Variants in LRRN1 observed in about 807,000 individuals in gnomAD.
LRRN1 encodes the protein leucine rich repeat neuronal 1.
A neutral mutation model predicts 45.8 loss-of-function variants in LRRN1; 14 were observed. The observed-to-expected ratio is 0.31, with a 90% confidence interval of 0.20 to 0.48. The LOEUF (loss-of-function observed/expected upper bound fraction) is 0.48, where lower values mean the gene tolerates loss of function less well. Among genes scored for constraint, LRRN1 ranks in the 20% least tolerant of loss-of-function variants. LRRN1 has a pLI of 0.99. For missense variants in LRRN1, 789 were observed against 874.2 expected, an observed-to-expected ratio of 0.90 and a Z score of 1.23; for synonymous variants, 359 against 330.1, an observed-to-expected ratio of 1.09 and a Z score of -0.95.
chr3:3,807,504 C>G (rs750943), intron 1 of LRRN1, among the ~76,000 whole-genome samples: 96,366 of 152,148 alleles, frequency 0.63, 33,152 homozygotes, highest in Non-Finnish European at 0.78. Context: ...GTTTATGTTT[C>G]TTTCTTGTTT....
intron 1 of LRRN1, among the ~76,000 whole-genome samples, chr3:3,801,951 C>T (rs552032239): frequency 1.4e-3 from 209 of 152,328 alleles, no homozygotes; most frequent in African/African-American, 4.8e-3. Context: ...ATTTGGTCCT[C>T]ATCTTCAGAG....
rs752541548 is a variant in LRRN1 at position 3,847,039 on chromosome 3, A to G, written c.*247A>G. ...TCTTATCATTATTATGATTGTTATTATATTATTATTTTATTTTAGTTGTTG... is the reference window on the plus strand; with the variant it reads ...TCTTATCATTATTATGATTGTTATTGTATTATTATTTTATTTTAGTTGTTG... On this transcript the variant is annotated 3_prime_UTR_variant, in exon 2 of 2. Coordinates refer to ENST00000319331, the MANE Select transcript of LRRN1 (RefSeq NM_020873.7). 2 of 306,318 alleles carry G rather than the reference A, an allele frequency of 6.5e-6. No individual in the cohort carries two copies. Among genetic ancestry groups the G allele is most frequent in the Non-Finnish European group, 1.3e-5 (2 of 158,766 alleles). The allele number at this position is 306,318 out of a possible 1,614,324, so 19.0% of individuals were successfully genotyped here.
At chr3:3,820,298 T>C (rs929417192) in intron 1 of LRRN1, among the ~76,000 whole-genome samples, 5 of 152,188 alleles carry the variant, frequency 3.3e-5, no homozygotes, top group African/African-American at 9.6e-5. Context: ...TCAACAGTCA[T>C]TTTCGAGTAC....
chr3:3,844,783 T>C lies in LRRN1; in HGVS notation c.142T>C (p.Ser48Pro), dbSNP rs1693724487. ...CEIRPWFTPQ[S>P]TYREATTVDC... ...AATTCGTCCCTGGTTTACCCCACAG[T>C]CAACTTACAGAGAAGCCACCACTGT... The change falls in exon 2 of 2, where the codon TCA (serine) becomes CCA (proline). Residue 48 changes from serine (S) to proline (P), a missense_variant. By Grantham distance (74) the Ser-to-Pro change is moderately conservative (BLOSUM62 -1). Coordinates refer to ENST00000319331, the MANE Select transcript of LRRN1 (RefSeq NM_020873.7). The C allele has an allele frequency of 6.2e-7, 1 of 1,614,036 alleles. No homozygotes were observed. Among genetic ancestry groups the C allele is most frequent in the African/African-American group, 1.3e-5 (1 of 74,908 alleles).
At chr3:3,811,089 A>G (rs1474973566) in intron 1 of LRRN1, among the ~76,000 whole-genome samples, 1 of 152,178 alleles carries the variant, frequency 6.6e-6, no homozygotes. Flanking sequence ...TTGCAGGCCA[A>G]TAAATAGAGT....
At position 3,807,753 on chromosome 3, in the gene LRRN1, TCATCAGAC is replaced by T. The variant is rs544721732; in HGVS notation, c.-279+7842_-279+7849del. Among the ~76,000 whole-genome samples the T allele has an allele frequency of 1.4e-4, 21 of 152,280 alleles. No homozygotes were observed. In the South Asian group the frequency reaches 3.9e-3, roughly 29 times the overall value. ...GGACACATGTGGAATCTACATGAACTCATCAGACCATCAGAGAACCATAAGGACAGTGG... is the reference window on the plus strand; with the variant it reads ...GGACACATGTGGAATCTACATGAACTCATCAGAGAACCATAAGGACAGTGG... On this transcript the variant is annotated intron_variant, in intron 1 of 1. Transcript: ENST00000319331.
intron 1 of LRRN1, among the ~76,000 whole-genome samples, chr3:3,807,867 AC>A (rs993676853): frequency 6.6e-6 from 1 of 152,008 alleles, no homozygotes; most frequent in African/African-American, 2.4e-5. Flanking sequence ...GTAAGGCCTA[AC>A]CCCCCAAAGG....
intron 1 of LRRN1, among the ~76,000 whole-genome samples, chr3:3,803,790 G>T (rs1453738471): frequency 6.6e-6 from 1 of 152,086 alleles, no homozygotes; most frequent in Non-Finnish European, 1.5e-5. Context: ...AGTGACCAAG[G>T]GATCCATTTG....
At chr3:3,800,777 C>T (rs1297867142) in intron 1 of LRRN1, 4 of 153,002 alleles carry the variant, frequency 2.6e-5, no homozygotes, top group African/African-American at 9.6e-5. Context: ...GAGTGGCAGC[C>T]TCAGGACGTT....
rs752284413 is a variant in LRRN1, at chr3:3,844,665, A to G, written c.24A>G (p.Ile8Met). 2 of 1,612,996 alleles carry G rather than the reference A, an allele frequency of 1.2e-6. No homozygotes were observed. Residue 8 changes from isoleucine (I) to methionine (M), a missense_variant, in exon 2 of 2, where the codon ATA becomes ATG. Transcript: ENST00000319331. ...GCATGGCTAGGATGAGCTTTGTTAT[A>G]GCAGCTTGCCAATTGGTGCTGGGCC... Reference protein sequence around the residue: MARMSFVIAACQLVLGLL... With the variant: MARMSFVMAACQLVLGLL...
rs974368516 is a variant in LRRN1 at position 3,844,556 on chromosome 3, C to G, written c.-86C>G. 4.0e-6 allele frequency: 4 copies of G among 994,542 alleles called. No individual in the cohort carries two copies. The highest frequency in any genetic ancestry group is 4.5e-6 in the Non-Finnish European group (3 of 672,652). The allele number at this position is 994,542 out of a possible 1,614,324, so 61.6% of individuals were successfully genotyped here. ...TTTGCTTGAATGTTTACATTTTCTGCTCGCTGTCCTACATATCACAATATA... is the reference window on the plus strand; with the variant it reads ...TTTGCTTGAATGTTTACATTTTCTGGTCGCTGTCCTACATATCACAATATA... On this transcript the variant is annotated 5_prime_UTR_variant, in exon 2 of 2. Coordinates refer to ENST00000319331, the MANE Select transcript of LRRN1 (RefSeq NM_020873.7).
intron 1 of LRRN1, among the ~76,000 whole-genome samples, chr3:3,817,415 TC>T (rs1377588872): frequency 2.0e-5 from 3 of 152,228 alleles, no homozygotes; most frequent in Non-Finnish European, 2.9e-5. Flanking sequence ...TTCTATCAAG[TC>T]AAAGGACAAG....
At chr3:3,829,299 T>G (rs1284242854) in intron 1 of LRRN1, among the ~76,000 whole-genome samples, 1 of 152,164 alleles carries the variant, frequency 6.6e-6, no homozygotes, top group Non-Finnish European at 1.5e-5. Context: ...GGTGGCAATC[T>G]TCCAGTTTCA....
At chr3:3,837,681 T>C (rs1693552557) in intron 1 of LRRN1, among the ~76,000 whole-genome samples, 1 of 152,108 alleles carries the variant, frequency 6.6e-6, no homozygotes, top group South Asian at 2.1e-4. Flanking sequence ...GCAGTCTAGT[T>C]TGAGCCACCG....
At chr3:3,801,518 T>TA (rs1454093367) in intron 1 of LRRN1, among the ~76,000 whole-genome samples, 2 of 152,164 alleles carry the variant, frequency 1.3e-5, no homozygotes, top group African/African-American at 4.8e-5. Flanking sequence ...TCCAGGGCCA[T>TA]ATGTGTCCCG....
At chr3:3,822,070 A>T (rs1453237521) in intron 1 of LRRN1, among the ~76,000 whole-genome samples, 1 of 152,230 alleles carries the variant, frequency 6.6e-6, no homozygotes, top group African/African-American at 2.4e-5. Flanking sequence ...CTGGATTCAC[A>T]TAGAACCTCA....
Position 3,799,852 on chromosome 3 carries a change from T to TGCC in LRRN1, c.-332_-330dup, listed in dbSNP as rs200165542. The TGCC allele has an allele frequency of 2.8e-4, 45 of 163,564 alleles. No individual in the cohort carries two copies. Among genetic ancestry groups the TGCC allele is most frequent in the South Asian group, 1.8e-3 (12 of 6,764 alleles). 10.1% of individuals were successfully genotyped at this position (163,564 alleles called of 1,614,324 possible). On this transcript the variant is annotated 5_prime_UTR_variant, in exon 1 of 2. Transcript: ENST00000319331. Reference sequence around the variant, plus strand: ...GTCTTTCTCCTCCTCCTGCTGCTGCTGCCGCCGCCGCCGCCGTGGGTGCCG... The same window carrying TGCC: ...GTCTTTCTCCTCCTCCTGCTGCTGCTGCCGCCGCCGCCGCCGCCGTGGGTGCCG...
chr3:3,836,211 CTTAACA>C (rs1283135681), intron 1 of LRRN1, among the ~76,000 whole-genome samples: 2 of 152,186 alleles, frequency 1.3e-5, no homozygotes, highest in East Asian at 3.9e-4. Context: ...GGTAAAAACA[CTTAACA>C]TTAAATTTAC....
intron 1 of LRRN1, among the ~76,000 whole-genome samples, chr3:3,831,039 T>G (rs956651260): frequency 6.6e-6 from 1 of 152,162 alleles, no homozygotes; most frequent in Non-Finnish European, 1.5e-5. Context: ...CAAGCACCAT[T>G]GGGTCTCCTG....
Sources: gnomAD v4.1 joint callset for allele counts (sites outside exome capture counted in the v4.1 genomes callset) on GRCh38, gnomAD v4.1.1 for gene constraint, MANE v1.5 for transcripts, NCBI Gene and HGNC (gene_info 2026-07-23, HGNC 2026-07-21) for gene names.